NTRK2: variants seen among roughly 807,000 people sequenced by gnomAD.
NTRK2 encodes neurotrophic receptor tyrosine kinase 2, also known as BDNF/NT-3 growth factors receptor.
NTRK2 carries 13 observed loss-of-function variants against 94.5 expected under a neutral mutation model. The ratio of observed to expected loss-of-function variants is 0.14; its 90% CI spans 0.09 to 0.22. The LOEUF (loss-of-function observed/expected upper bound fraction) is 0.22, where lower values mean the gene tolerates loss of function less well. Ranked by LOEUF, NTRK2 falls within the 10% of genes least tolerant of loss-of-function variation. The probability of loss-of-function intolerance (pLI) is 1.00; values close to 1 mark genes in which losing one functional copy is unlikely to be tolerated. For synonymous variants in NTRK2, 372 were observed against 407.4 expected (o/e 0.91, Z 1.05); for missense variants, 639 against 1,071.2 (o/e 0.60, Z 5.63).
At chr9:85,010,570 G>A (rs1301169663) in intron 17 of NTRK2, among the ~76,000 whole-genome samples, 1 of 152,212 alleles carries the variant, frequency 6.6e-6, no homozygotes, top group Non-Finnish European at 1.5e-5. Flanking sequence ...AGGCAGCGTG[G>A]TGTATTAGTA....
chr9:84,742,518 G>A (rs544846688), intron 10 of NTRK2, among the ~76,000 whole-genome samples: 1 of 152,256 alleles, frequency 6.6e-6, no homozygotes, highest in East Asian at 1.9e-4. Context: ...ATGGGAGAAA[G>A]GGAAGCGCTC....
intron 14 of NTRK2, among the ~76,000 whole-genome samples, chr9:84,907,797 C>T (rs2077120034): frequency 6.7e-6 from 1 of 149,726 alleles, no homozygotes; most frequent in African/African-American, 2.5e-5. Flanking sequence ...TTGCCTTTTG[C>T]TTTGTTCTAT....
At chr9:84,815,288 G>A in intron 12 of NTRK2, 5 of 1,052,222 alleles carry the variant, frequency 4.8e-6, no homozygotes, top group Non-Finnish European at 5.7e-6. Flanking sequence ...CCTAACTACT[G>A]ACTATGACTG....
intron 6 of NTRK2, among the ~76,000 whole-genome samples, chr9:84,714,398 C>T (rs149047782): frequency 6.4e-4 from 98 of 152,306 alleles, no homozygotes; most frequent in Middle Eastern, 3.4e-3. Context: ...CTTTCTCTCG[C>T]TTAGGAGTTC....
intron 14 of NTRK2, chr9:84,876,645 C>T (rs763186077): frequency 1.9e-6 from 2 of 1,058,886 alleles, no homozygotes; most frequent in Non-Finnish European, 2.3e-6. Flanking sequence ...CATGATTTTT[C>T]CATCCTCCCA....
At chr9:84,781,458 C>G (rs2067555541) in intron 12 of NTRK2, among the ~76,000 whole-genome samples, 1 of 152,126 alleles carries the variant, frequency 6.6e-6, no homozygotes, top group Admixed American at 6.5e-5. Context: ...TTCATATATA[C>G]AAACATCTAA....
chr9:84,841,155 G>C (rs564420816), intron 12 of NTRK2, among the ~76,000 whole-genome samples: 1 of 152,266 alleles, frequency 6.6e-6, no homozygotes, highest in African/African-American at 2.4e-5. Flanking sequence ...TGCTGGCATT[G>C]CCCACCTCTC....
chr9:84,821,608 G>T (rs1453069579), intron 12 of NTRK2, among the ~76,000 whole-genome samples: 1 of 152,176 alleles, frequency 6.6e-6, no homozygotes, highest in African/African-American at 2.4e-5. Flanking sequence ...AAGATGTAAG[G>T]ATTGAGTGGA....
intron 14 of NTRK2, among the ~76,000 whole-genome samples, chr9:84,930,659 C>T (rs1051843134): frequency 2.6e-5 from 4 of 152,114 alleles, no homozygotes; most frequent in East Asian, 3.9e-4. Flanking sequence ...TGTGGAGTCA[C>T]AGGCAGTGAG....
rs536626450 is a variant in NTRK2, at chr9:84,860,326, C to T, written c.1397-714C>T. On this transcript the variant is annotated intron_variant, in intron 12 of 18. Coordinates refer to ENST00000277120, the MANE Select transcript of NTRK2 (RefSeq NM_006180.6). ...TGTGGCTTTATTCACGGGAGGCTCT[C>T]CAGACGTTTGGCAGGTCTTTTCTTA... is the stretch of plus-strand genomic sequence containing the variant. Among the ~76,000 whole-genome samples, 4 of 152,268 alleles carry T rather than the reference C, an allele frequency of 2.6e-5. No homozygotes were observed. The East Asian group carries it at 7.7e-4, about 29-fold the overall frequency.
chr9:85,016,724 A>C (rs78516476), intron 17 of NTRK2, among the ~76,000 whole-genome samples: 2,636 of 152,292 alleles, frequency 0.017, 66 homozygotes, highest in African/African-American at 0.06. Context: ...GTTGCAAAAG[A>C]AATGTTCAGA....
chr9:84,846,202 G>A (rs1056579281), intron 12 of NTRK2, among the ~76,000 whole-genome samples: 1 of 152,174 alleles, frequency 6.6e-6, no homozygotes, highest in African/African-American at 2.4e-5. Flanking sequence ...TAATTTATTT[G>A]GTTGGGTTAA....
chr9:84,737,442 CATGGAATTAGGAGG>C (rs2063337156), intron 9 of NTRK2, among the ~76,000 whole-genome samples: 2 of 152,116 alleles, frequency 1.3e-5, no homozygotes, highest in African/African-American at 4.8e-5. Flanking sequence ...GGTTATTTTG[CATGGAATTAGGAGG>C]ATGGTGCAGT....
chr9:84,877,280 A>AG, intron 14 of NTRK2: 1 of 1,065,890 alleles, frequency 9.4e-7, no homozygotes, highest in Non-Finnish European at 1.1e-6. Flanking sequence ...CATGTCATTG[A>AG]GGGCCTTTGT....
chr9:84,725,169 G>A (rs1267865439), intron 8 of NTRK2, among the ~76,000 whole-genome samples: 1 of 152,148 alleles, frequency 6.6e-6, no homozygotes, highest in Non-Finnish European at 1.5e-5. Flanking sequence ...ATGTGTGTAA[G>A]TGTATGTCTG....
In NTRK2 at chr9:84,686,994, C is replaced by T. The variant is rs183349562; in HGVS notation, c.213-15165C>T. ...TTATATAATCAGTATATTCATAATA[C>T]GTATACAAATGAAAGTGGTTTAGAC... On this transcript the variant is annotated intron_variant, in intron 2 of 18. Transcript: ENST00000277120. Among the ~76,000 whole-genome samples the T allele has an allele frequency of 4.7e-3, 720 of 152,102 alleles. 2 individuals carry two copies. The highest frequency in any genetic ancestry group is 8.8e-3 in the Non-Finnish European group (596 of 67,996).
chr9:84,813,946 T>C, intron 12 of NTRK2: 1 of 1,065,508 alleles, frequency 9.4e-7, no homozygotes, highest in South Asian at 4.6e-5. Flanking sequence ...AAGGAATGCA[T>C]CCACCGTCAT....
Position 84,867,457 on chromosome 9 carries a change from G to T in NTRK2, c.1633+26G>T, listed in dbSNP as rs760277032. On this transcript the variant is annotated intron_variant, in intron 14 of 18. Coordinates refer to ENST00000277120, the MANE Select transcript of NTRK2 (RefSeq NM_006180.6). The stretch of plus-strand genomic sequence containing the variant: ...GTAAGTACAGCTGTTTGTACTTATT[G>T]TCCCATTTGCTGCATAGCTGTATCA... The T allele has an allele frequency of 1.9e-6, 3 of 1,590,116 alleles. No individual in the cohort carries two copies. In the African/African-American group the frequency reaches 4.0e-5, roughly 21 times the overall value.
At chr9:84,917,610 T>C (rs2077433326) in intron 14 of NTRK2, among the ~76,000 whole-genome samples, 1 of 152,204 alleles carries the variant, frequency 6.6e-6, no homozygotes, top group African/African-American at 2.4e-5. Flanking sequence ...GCTGTTGACA[T>C]TTCCGTGGTA....
Sources: gnomAD v4.1 joint callset for allele counts (sites outside exome capture counted in the v4.1 genomes callset) on GRCh38, gnomAD v4.1.1 for gene constraint, MANE v1.5 for transcripts, NCBI Gene and HGNC (gene_info 2026-07-23, HGNC 2026-07-21) for gene names.